Variants in HIVEP3 observed in about 807,000 individuals in gnomAD.
HIVEP3 encodes transcription factor HIVEP3.
A neutral mutation model predicts 152.8 loss-of-function variants in HIVEP3; 49 were observed. The observed-to-expected ratio is 0.32, with a 90% CI of 0.26 to 0.41. The LOEUF (loss-of-function observed/expected upper bound fraction) is 0.41. Ranked by LOEUF, HIVEP3 falls within the 10% of genes least tolerant of loss-of-function variation. The pLI is 1.00. For missense variants in HIVEP3, 2,790 were observed against 3,103.3 expected, an observed-to-expected ratio of 0.90 and a Z score of 2.40; for synonymous variants, 1,269 against 1,289.0, an observed-to-expected ratio of 0.98 and a Z score of 0.33.
intron 2 of HIVEP3, among the ~76,000 whole-genome samples, chr1:41,692,693 GTACGC>G (rs1041200980): frequency 6.6e-6 from 1 of 152,186 alleles, no homozygotes; most frequent in Non-Finnish European, 1.5e-5. Context: ...ATATATGGAT[GTACGC>G]TTCTGTGCAA....
intron 5 of HIVEP3, among the ~76,000 whole-genome samples, chr1:41,567,491 G>A (rs971102274): frequency 2.6e-5 from 4 of 152,188 alleles, no homozygotes; most frequent in Non-Finnish European, 5.9e-5. Context: ...CAGCCCATTG[G>A]GCCATGCTCA....
chr1:41,600,369 G>A (rs1303115326), intron 3 of HIVEP3, among the ~76,000 whole-genome samples: 2 of 152,212 alleles, frequency 1.3e-5, no homozygotes, highest in African/African-American at 4.8e-5. Flanking sequence ...TGTAGCATGT[G>A]TCAGAATTTC....
intron 1 of HIVEP3, among the ~76,000 whole-genome samples, chr1:41,768,307 C>A (rs1648136926): frequency 6.6e-6 from 1 of 152,172 alleles, no homozygotes; most frequent in African/African-American, 2.4e-5. Context: ...CTTTTTAAAA[C>A]CATCAGATCT....
chr1:41,531,446 A>C (rs1643250246), intron 5 of HIVEP3, among the ~76,000 whole-genome samples: 2 of 138,090 alleles, frequency 1.4e-5, no homozygotes, highest in Admixed American at 7.1e-5. Flanking sequence ...AAGACAGGGG[A>C]GATGGAGGAC....
chr1:41,965,598 G>A (rs1318152187), intron 1 of HIVEP3, among the ~76,000 whole-genome samples: 2 of 152,160 alleles, frequency 1.3e-5, no homozygotes, highest in African/African-American at 4.8e-5. Context: ...TATATCAATA[G>A]CCGAACAGAC....
At chr1:41,645,402 T>G (rs991705123) in intron 2 of HIVEP3, among the ~76,000 whole-genome samples, 2 of 152,200 alleles carry the variant, frequency 1.3e-5, no homozygotes, top group Non-Finnish European at 2.9e-5. Context: ...GCTCTCCCTC[T>G]TATTGCTCAT....
At chr1:41,878,795 T>C (rs1224568748) in intron 1 of HIVEP3, among the ~76,000 whole-genome samples, 1 of 136,144 alleles carries the variant, frequency 7.3e-6, no homozygotes, top group African/African-American at 2.8e-5. Context: ...TCCCTACCTT[T>C]CTTCCTCCCC....
chr1:41,913,556 C>G (rs1644827910), intron 1 of HIVEP3, among the ~76,000 whole-genome samples: 1 of 152,108 alleles, frequency 6.6e-6, no homozygotes, highest in Non-Finnish European at 1.5e-5. Flanking sequence ...GCCACCATGT[C>G]CATAATTTTA....
intron 1 of HIVEP3, among the ~76,000 whole-genome samples, chr1:41,907,430 C>G (rs1029375601): frequency 6.6e-6 from 1 of 152,184 alleles, no homozygotes; most frequent in Non-Finnish European, 1.5e-5. Context: ...CTTCACCAAC[C>G]AGTGCCCACA....
intron 1 of HIVEP3, among the ~76,000 whole-genome samples, chr1:41,924,345 A>T (rs1244975315): frequency 6.6e-6 from 1 of 152,206 alleles, no homozygotes; most frequent in Non-Finnish European, 1.5e-5. Context: ...GTTATTTTAA[A>T]TAACTGAGTT....
chr1:41,623,205 G>A (rs984816754), intron 3 of HIVEP3, among the ~76,000 whole-genome samples: 2 of 152,236 alleles, frequency 1.3e-5, no homozygotes, highest in Non-Finnish European at 2.9e-5. Context: ...GAGTCAGGCA[G>A]GAAGTGGGAG....
At chr1:41,686,023 G>T (rs140406854) in intron 2 of HIVEP3, among the ~76,000 whole-genome samples, 87 of 152,132 alleles carry the variant, frequency 5.7e-4, no homozygotes, top group Admixed American at 3.6e-3. Flanking sequence ...TTTACTTTTG[G>T]GTTCTAGACT....
At chr1:41,903,021 G>T (rs957780802) in intron 1 of HIVEP3, among the ~76,000 whole-genome samples, 1 of 152,164 alleles carries the variant, frequency 6.6e-6, no homozygotes, top group African/African-American at 2.4e-5. Flanking sequence ...GATAACTTGG[G>T]TTACATTCCT....
intron 2 of HIVEP3, among the ~76,000 whole-genome samples, chr1:41,695,006 T>A (rs751604465): frequency 1.4e-4 from 21 of 151,856 alleles, no homozygotes; most frequent in Admixed American, 2.6e-4. Context: ...CTATACAGAG[T>A]CAAAGAGCAA....
rs1644431738 is a variant in HIVEP3, at chr1:41,510,375, G to A, written c.*76C>T. On this transcript the variant is annotated 3_prime_UTR_variant, in exon 9 of 9. Transcript: ENST00000372583. ...GGGACAGATGGGGCTGAGGAAGTGG[G>A]ATGATTCGAGGAAAGTGGCTGGAAA... is the stretch of plus-strand genomic sequence containing the variant. The A allele has an allele frequency of 1.6e-6, 2 of 1,284,864 alleles. No homozygotes were observed. The highest frequency in any genetic ancestry group is 1.5e-5 in the African/African-American group (1 of 64,862). 79.6% of individuals were successfully genotyped at this position (1,284,864 alleles called of 1,614,324 possible). A position where few individuals can be genotyped will look rare whatever the true frequency, so the allele number is the denominator to read the frequency against.
Position 41,513,185 on chromosome 1 carries a change from G to A in HIVEP3, c.6036C>T (p.Gly2012=), listed in dbSNP as rs755601106. Residue 2012 remains glycine (G), a synonymous_variant, in exon 8 of 9, where the codon GGC becomes GGT. Transcript: ENST00000372583. ...EPQASAPSPP[G]LHVDPGRGMG... is the part of the protein sequence containing the mutation. ...TGCCCCTTCCTGGGTCCACGTGCAG[G>A]CCAGGTGGGCTTGGGGCTGAGGCCT... 2.5e-6 allele frequency: 4 copies of A among 1,613,902 alleles called. No individual in the cohort carries two copies. The highest frequency in any genetic ancestry group is 2.2e-5 in the East Asian group (1 of 44,882).
intron 1 of HIVEP3, among the ~76,000 whole-genome samples, chr1:41,811,800 G>A (rs1231776514): frequency 1.3e-5 from 2 of 151,932 alleles, no homozygotes; most frequent in Non-Finnish European, 2.9e-5. Context: ...CCTAAAAGAG[G>A]GAATACGAAA....
intron 1 of HIVEP3, among the ~76,000 whole-genome samples, chr1:42,027,530 A>G (rs1241875303): frequency 2.0e-5 from 3 of 152,024 alleles, no homozygotes; most frequent in Non-Finnish European, 4.4e-5. Flanking sequence ...CTCCTCTCCC[A>G]TTATTTGTTG....
intron 1 of HIVEP3, among the ~76,000 whole-genome samples, chr1:41,829,449 G>T (rs941826093): frequency 5.3e-5 from 8 of 152,050 alleles, no homozygotes; most frequent in Admixed American, 2.6e-4. Context: ...AAATGGCCCA[G>T]ATATAAATCC....
Sources: gnomAD v4.1 joint callset for allele counts (sites outside exome capture counted in the v4.1 genomes callset) on GRCh38, gnomAD v4.1.1 for gene constraint, MANE v1.5 for transcripts, NCBI Gene and HGNC (gene_info 2026-07-23, HGNC 2026-07-21) for gene names.